Variants in NLRP8 observed in about 807,000 individuals in gnomAD.
The protein encoded by NLRP8 is NACHT, LRR and PYD domains-containing protein 8.
NLRP8 carries 86 observed loss-of-function variants against 88.7 expected under a neutral mutation model. The observed-to-expected ratio is 0.97, with a 90% CI of 0.81 to 1.16. The LOEUF is 1.16. NLRP8 is among the 50% of genes most tolerant of loss of function. The pLI is 0.00. For missense variants in NLRP8, 1,342 were observed against 1,286.5 expected, an observed-to-expected ratio of 1.04 and a Z score of -0.66; for synonymous variants, 504 against 494.6, an observed-to-expected ratio of 1.02 and a Z score of -0.25.
Position 55,955,887 on chromosome 19 carries a change from TC to T in NLRP8, c.1830del (p.Tyr611ThrfsTer12), listed in dbSNP as rs1270199948. The T allele has an allele frequency of 6.2e-7, 1 of 1,614,052 alleles. No individual in the cohort carries two copies. The highest frequency in any genetic ancestry group is 8.5e-7 in the Non-Finnish European group (1 of 1,180,032). ...CCGGGCAGTGGGGTCCCGCAGTTATTCTACTGTCTGCATGAAATCCGGGAGG... is the reference window on the plus strand; with the variant it reads ...CCGGGCAGTGGGGTCCCGCAGTTATTTACTGTCTGCATGAAATCCGGGAGG... On this transcript the variant is annotated frameshift_variant, in exon 3 of 10. Transcript: ENST00000291971. LOFTEE classifies it high-confidence loss of function.
At chr19:55,987,460 G>A (rs10421134) in intron 9 of NLRP8, among the ~76,000 whole-genome samples, 10,718 of 152,270 alleles carry the variant, frequency 0.07, 420 homozygotes, top group Middle Eastern at 0.095. Context: ...AGTCCAGAGG[G>A]TGTTTTGGTG....
At chr19:55,987,285 G>A (rs1980893164) in intron 9 of NLRP8, among the ~76,000 whole-genome samples, 3 of 152,202 alleles carry the variant, frequency 2.0e-5, no homozygotes, top group Admixed American at 1.3e-4. Context: ...CGGGAGAATC[G>A]CTTTAACCCA....
At chr19:55,973,391 T>G (rs1187532859) in intron 6 of NLRP8, among the ~76,000 whole-genome samples, 1 of 152,250 alleles carries the variant, frequency 6.6e-6, no homozygotes, top group African/African-American at 2.4e-5. Context: ...GTGGGCTGTC[T>G]GTTAACTCTG....
intron 9 of NLRP8, among the ~76,000 whole-genome samples, chr19:55,983,278 A>G (rs1382073949): frequency 3.9e-5 from 6 of 152,012 alleles, no homozygotes; most frequent in African/African-American, 1.4e-4. Context: ...AGCATGGCCA[A>G]CGTGGTAAAA....
chr19:55,987,793 C>T, intron 9 of NLRP8: 1 of 1,572,312 alleles, frequency 6.4e-7, no homozygotes. Flanking sequence ...CAACCAGCAG[C>T]CTTCCTTTAC....
rs1978922024 is a variant in NLRP8, at chr19:55,948,007, C to G, written c.105C>G (p.Ser35=). 1 of 1,613,968 alleles carries G rather than the reference C, an allele frequency of 6.2e-7. No individual in the cohort carries two copies. Among genetic ancestry groups the G allele is most frequent in the South Asian group, 1.1e-5 (1 of 91,082 alleles). ...GGACATTCTCTTGCTACCCCGGCTC[C>G]CCATGTGAAAATGGGGTCATGCTGT... Residue 35 remains serine, a synonymous_variant, in exon 1 of 10, where the codon TCC becomes TCG. Transcript: ENST00000291971.
chr19:55,970,697 G>A lies in NLRP8; in HGVS notation c.2534+1G>A, dbSNP rs184147974. ...CTGTGGCCCAGCTGGAGAGGCTGTC[G>A]TAAGTCTCCTTTCTAGTGGCTGTGG... On this transcript the variant is annotated splice_donor_variant, in intron 6 of 9. Transcript: ENST00000291971. LOFTEE classifies it high-confidence loss of function. 239 of 1,613,954 alleles carry A rather than the reference G, an allele frequency of 1.5e-4. No homozygotes were observed. In the African/African-American group the frequency reaches 2.0e-3, roughly 13 times the overall value.
At chr19:55,965,968 A>G (rs1438477541) in intron 4 of NLRP8, among the ~76,000 whole-genome samples, 1 of 152,168 alleles carries the variant, frequency 6.6e-6, no homozygotes, top group Non-Finnish European at 1.5e-5. Flanking sequence ...ATGCCCATCA[A>G]TGATAGACTG....
intron 9 of NLRP8, among the ~76,000 whole-genome samples, chr19:55,983,638 A>G (rs1441810630): frequency 6.6e-6 from 1 of 151,900 alleles, no homozygotes; most frequent in Non-Finnish European, 1.5e-5. Flanking sequence ...AAAACAGGGT[A>G]GATTGTGCCT....
In NLRP8 at chr19:55,973,742, A is replaced by G; in HGVS notation, c.2625A>G (p.Ala875=). 6.2e-7 allele frequency: 1 copy of G among 1,614,142 alleles called. No individual in the cohort carries two copies. Among genetic ancestry groups the G allele is most frequent in the Middle Eastern group, 1.6e-4 (1 of 6,062 alleles). ...AGATGCTGACCCACCTGAGCTTGGCAGAAAACGCCTTGAAAGATGAAGGGG... is the reference window on the plus strand; with the variant it reads ...AGATGCTGACCCACCTGAGCTTGGCGGAAAACGCCTTGAAAGATGAAGGGG... The change falls in exon 7 of 10, where the codon GCA becomes GCG. Residue 875 remains alanine (A), a synonymous_variant. Coordinates refer to ENST00000291971, the MANE Select transcript of NLRP8 (RefSeq NM_176811.2).
chr19:55,964,200 G>A (rs1303338931), intron 4 of NLRP8, among the ~76,000 whole-genome samples: 2 of 152,144 alleles, frequency 1.3e-5, no homozygotes. Context: ...TCCTATTATT[G>A]TGATAGTTAT....
intron 6 of NLRP8, 74 bp downstream of exon 6, chr19:55,970,770 G>T: frequency 6.3e-7 from 1 of 1,581,586 alleles, no homozygotes; most frequent in South Asian, 1.1e-5. Context: ...GTGCTTCTGT[G>T]AGAAAAGAAG....
chr19:55,952,018 C>T (rs1446699693), intron 1 of NLRP8, among the ~76,000 whole-genome samples: 1 of 152,182 alleles, frequency 6.6e-6, no homozygotes, highest in African/African-American at 2.4e-5. Flanking sequence ...TCCCAAAGTG[C>T]TGGGATTACA....
In NLRP8 at chr19:55,954,935, T is replaced by A; in HGVS notation, c.877T>A (p.Ser293Thr). 1 of 1,614,132 alleles carries A rather than the reference T, an allele frequency of 6.2e-7. No homozygotes were observed. ...CTTGGATGGCTTTGAGGAGCTCACA[T>A]CTACCCTCATTGACAGACTGGAGGA... Residue 293 changes from serine (S) to threonine (T), a missense_variant, in exon 3 of 10, where the codon TCT becomes ACT. By Grantham distance (58) the Ser-to-Thr change is moderately conservative. Transcript: ENST00000291971.
intron 1 of NLRP8, among the ~76,000 whole-genome samples, 196 bp downstream of exon 1, chr19:55,948,465 C>T (rs569893449): frequency 3.0e-4 from 45 of 152,200 alleles, no homozygotes; most frequent in Middle Eastern, 3.4e-3. Flanking sequence ...GATGGGGTTT[C>T]GCTCTTCTTG....
chr19:55,952,644 A>G (rs1979147689), intron 2 of NLRP8, 32 bp downstream of exon 2: 3 of 1,576,280 alleles, frequency 1.9e-6, no homozygotes, highest in African/African-American at 1.3e-5. Flanking sequence ...GACCCTGGTG[A>G]AAAAATGGGC....
intron 9 of NLRP8, among the ~76,000 whole-genome samples, chr19:55,986,452 T>TCA (rs146529832): frequency 1.1e-4 from 8 of 73,886 alleles, no homozygotes; most frequent in Admixed American, 6.0e-4. Flanking sequence ...ACTCTCTCTC[T>TCA]CACACACACA....
chr19:55,948,798 T>A (rs1978968885), intron 1 of NLRP8, among the ~76,000 whole-genome samples: 1 of 152,118 alleles, frequency 6.6e-6, no homozygotes, highest in African/African-American at 2.4e-5. Flanking sequence ...GAACGTTAAA[T>A]GAAGTCATAG....
intron 3 of NLRP8, 98 bp from the exon 4 acceptor site, chr19:55,961,969 G>A (rs1280683993): frequency 8.4e-7 from 1 of 1,187,546 alleles, no homozygotes; most frequent in Non-Finnish European, 1.2e-6. Flanking sequence ...AGAGGCCTAT[G>A]GCCCTAACCA....
Sources: allele counts gnomAD v4.1 joint callset (sites outside exome capture counted in the v4.1 genomes callset), GRCh38; gene constraint gnomAD v4.1.1; transcripts MANE v1.5; gene names NCBI Gene and HGNC (gene_info 2026-07-23, HGNC 2026-07-21).